CHST11: variants seen among roughly 807,000 people sequenced by gnomAD.
CHST11 encodes carbohydrate sulfotransferase 11.
A neutral mutation model predicts 30.4 loss-of-function variants in CHST11; 9 were observed. The observed-to-expected ratio is 0.30, with a 90% CI of 0.18 to 0.52. CHST11 has a LOEUF of 0.52. Among genes scored for constraint, CHST11 ranks in the 20% least tolerant of loss-of-function variants. CHST11 has a pLI of 0.97. For synonymous variants in CHST11, 152 were observed against 187.8 expected (o/e 0.81, Z 1.56); for missense variants, 348 against 460.6 (o/e 0.76, Z 2.24).
chr12:104,474,650 A>T (rs1011550428), intron 1 of CHST11, among the ~76,000 whole-genome samples: 2 of 152,078 alleles, frequency 1.3e-5, no homozygotes, highest in Non-Finnish European at 2.9e-5. Flanking sequence ...TTTTATTTTC[A>T]TGGGAAATAA....
At chr12:104,584,698 CTT>C (rs2136034793) in intron 1 of CHST11, among the ~76,000 whole-genome samples, 1 of 152,254 alleles carries the variant, frequency 6.6e-6, no homozygotes, top group South Asian at 2.1e-4. Flanking sequence ...ATTTTCATGT[CTT>C]CATGTTATTT....
chr12:104,684,795 C>T (rs1040983456), intron 2 of CHST11, among the ~76,000 whole-genome samples: 5 of 152,116 alleles, frequency 3.3e-5, no homozygotes, highest in African/African-American at 7.2e-5. Flanking sequence ...GTGGTCTGCC[C>T]GCCTCGGCCT....
chr12:104,654,699 G>A (rs1221367811), intron 2 of CHST11, among the ~76,000 whole-genome samples: 1 of 152,120 alleles, frequency 6.6e-6, no homozygotes, highest in East Asian at 1.9e-4. Flanking sequence ...GCAAGGAACT[G>A]TACCTGCTAA....
chr12:104,715,819 G>T (rs1451728302), intron 2 of CHST11, among the ~76,000 whole-genome samples: 1 of 152,166 alleles, frequency 6.6e-6, no homozygotes, highest in Admixed American at 6.5e-5. Context: ...AGGGTTCTGG[G>T]GCTGCAGGCT....
In CHST11 at chr12:104,501,432, G is replaced by T. The variant is rs565508628; in HGVS notation, c.118+43903G>T. Among the ~76,000 whole-genome samples the T allele has an allele frequency of 1.0e-3, 156 of 152,178 alleles. 1 individual carries two copies. The highest frequency in any genetic ancestry group is 1.5e-3 in the Non-Finnish European group (101 of 68,030). ...TTTTGGGGAGGCACCAAACCTGAAG[G>T]TTCAGGATCTGAAGTACTTTTTCTC... On this transcript the variant is annotated intron_variant, in intron 1 of 2. Coordinates refer to ENST00000303694, the MANE Select transcript of CHST11 (RefSeq NM_018413.6).
Position 104,649,503 on chromosome 12 carries a change from G to A in CHST11, c.204+47512G>A, listed in dbSNP as rs79053159. On this transcript the variant is annotated intron_variant, in intron 2 of 2. Transcript: ENST00000303694. ...CTGAGGTCACAAAATCTGTAGTAGA[G>A]CTAGGATTAAACTCAGGTCTGTTTT... Among the ~76,000 whole-genome samples the A allele has an allele frequency of 6.6e-3, 1,004 of 152,284 alleles. 43 individuals carry two copies. In the East Asian group the frequency reaches 0.084, roughly 13 times the overall value.
intron 2 of CHST11, among the ~76,000 whole-genome samples, chr12:104,696,782 C>G (rs1034207066): frequency 6.6e-6 from 1 of 152,156 alleles, no homozygotes; most frequent in Admixed American, 6.5e-5. Context: ...AATATAAATT[C>G]CAGTGTTTGT....
At chr12:104,629,278 A>G (rs956404006) in intron 2 of CHST11, among the ~76,000 whole-genome samples, 2 of 152,160 alleles carry the variant, frequency 1.3e-5, no homozygotes, top group Non-Finnish European at 2.9e-5. Context: ...GTATCTTTTA[A>G]CTGGGTCCTC....
intron 1 of CHST11, chr12:104,514,219 A>G: frequency 1.1e-6 from 1 of 885,138 alleles, no homozygotes; most frequent in Non-Finnish European, 1.9e-6. Flanking sequence ...GGGGACATTG[A>G]CACAGCAGCC....
At chr12:104,622,481 T>G (rs982026047) in intron 2 of CHST11, among the ~76,000 whole-genome samples, 1 of 152,170 alleles carries the variant, frequency 6.6e-6, no homozygotes, top group Non-Finnish European at 1.5e-5. Flanking sequence ...AACTCACAAT[T>G]CTCTCAAGGT....
intron 1 of CHST11, among the ~76,000 whole-genome samples, chr12:104,523,917 C>G (rs79854808): frequency 0.045 from 6,830 of 152,268 alleles, 496 homozygotes; most frequent in African/African-American, 0.15. Context: ...ACCCTATCCA[C>G]ATAGCTTGTC....
chr12:104,702,707 C>T (rs1212282727), intron 2 of CHST11, among the ~76,000 whole-genome samples: 1 of 152,210 alleles, frequency 6.6e-6, no homozygotes, highest in Non-Finnish European at 1.5e-5. Flanking sequence ...CAGATTCCAC[C>T]CTGCCCCCAG....
At chr12:104,633,001 C>G (rs755035956) in intron 2 of CHST11, among the ~76,000 whole-genome samples, 16 of 152,248 alleles carry the variant, frequency 1.1e-4, no homozygotes, top group Admixed American at 2.0e-4. Flanking sequence ...TCGACTTTGT[C>G]AGGCTGAAGC....
chr12:104,623,250 C>T (rs114571299), intron 2 of CHST11, among the ~76,000 whole-genome samples: 253 of 152,288 alleles, frequency 1.7e-3, no homozygotes, highest in African/African-American at 5.8e-3. Context: ...CAGGAAGGCT[C>T]CCCAGAGTCA....
rs142650297 is a variant in CHST11 at position 104,482,594 on chromosome 12, G to C, written c.118+25065G>C. Among the ~76,000 whole-genome samples the C allele has an allele frequency of 4.6e-5, 7 of 152,228 alleles. 1 individual carries two copies. The highest frequency in any genetic ancestry group is 1.7e-4 in the African/African-American group (7 of 41,546). ...CTGCTTGCTTAGATCGATGAGACAA[G>C]ATTTTGGTCCTTTGAGCAAGGTAGG... On this transcript the variant is annotated intron_variant, in intron 1 of 2. Transcript: ENST00000303694.
At chr12:104,569,969 G>C (rs61741820) in intron 1 of CHST11, among the ~76,000 whole-genome samples, 3 of 152,116 alleles carry the variant, frequency 2.0e-5, no homozygotes, top group African/African-American at 7.2e-5. Flanking sequence ...CCCCCTCCAC[G>C]GTCTGCAACA....
At chr12:104,696,756 C>T (rs1394320171) in intron 2 of CHST11, among the ~76,000 whole-genome samples, 1 of 152,196 alleles carries the variant, frequency 6.6e-6, no homozygotes, top group African/African-American at 2.4e-5. Flanking sequence ...TGCCTCTCAA[C>T]CTCTTATGAA....
intron 1 of CHST11, among the ~76,000 whole-genome samples, chr12:104,551,528 A>T (rs951143434): frequency 2.6e-5 from 4 of 152,174 alleles, no homozygotes; most frequent in African/African-American, 9.7e-5. Flanking sequence ...TCTTGCAAGA[A>T]GAAATGAGAT....
intron 2 of CHST11, among the ~76,000 whole-genome samples, chr12:104,693,584 A>T (rs113976394): frequency 0.013 from 1,933 of 152,286 alleles, 37 homozygotes; most frequent in African/African-American, 0.043. Context: ...GATGGGAGAC[A>T]AGAAAGTGGC....
Sources: allele counts gnomAD v4.1 joint callset (sites outside exome capture counted in the v4.1 genomes callset), GRCh38; gene constraint gnomAD v4.1.1; transcripts MANE v1.5; gene names NCBI Gene and HGNC (gene_info 2026-07-23, HGNC 2026-07-21).